The following DNAJA2 variants were observed in gnomAD, a reference collection of about 807,000 sequenced individuals.
DNAJA2 encodes the protein dnaJ homolog subfamily A member 2.
DNAJA2 carries 6 observed loss-of-function variants against 49.3 expected under a neutral mutation model. The ratio of observed to expected loss-of-function variants is 0.12; its 90% CI spans 0.07 to 0.24. DNAJA2 has a LOEUF of 0.24. DNAJA2 is among the 10% of genes least tolerant of loss of function. The probability of loss-of-function intolerance (pLI) is 1.00; values close to 1 mark genes in which losing one functional copy is unlikely to be tolerated. For synonymous variants in DNAJA2, 160 were observed against 172.7 expected (o/e 0.93, Z 0.58); for missense variants, 347 against 516.8 (o/e 0.67, Z 3.19).
At chr16:46,970,552 T>C (rs993495134) in intron 3 of DNAJA2, among the ~76,000 whole-genome samples, 15 of 148,316 alleles carry the variant, frequency 1.0e-4, no homozygotes, top group African/African-American at 3.8e-4. Flanking sequence ...TTGGCCAACA[T>C]GGCGAAACCC....
intron 6 of DNAJA2, among the ~76,000 whole-genome samples, chr16:46,961,501 C>A (rs761638217): frequency 6.6e-6 from 1 of 150,606 alleles, no homozygotes; most frequent in Non-Finnish European, 1.5e-5. Flanking sequence ...CCAGCCTGGG[C>A]AACATGATGA....
intron 6 of DNAJA2, chr16:46,959,696 TC>T (rs1274899205): frequency 6.7e-5 from 20 of 297,980 alleles, no homozygotes; most frequent in Admixed American, 5.5e-4. Flanking sequence ...CCAGGTATAT[TC>T]TGCAACTATT....
chr16:46,969,450 G>T (rs1962016341), intron 3 of DNAJA2, among the ~76,000 whole-genome samples: 1 of 152,100 alleles, frequency 6.6e-6, no homozygotes, highest in South Asian at 2.1e-4. Context: ...ATTACAATTG[G>T]TATGCACAAC....
At position 46,958,908 on chromosome 16, in the gene DNAJA2, C is replaced by A. The variant is rs189134017; in HGVS notation, c.1047+95G>T. 19 of 1,405,444 alleles carry A rather than the reference C, an allele frequency of 1.4e-5. No homozygotes were observed. The Admixed American group carries it at 3.4e-4, about 25-fold the overall frequency. The allele number at this position is 1,405,444 out of a possible 1,614,324, so 87.1% of individuals were successfully genotyped here. A position where few individuals can be genotyped will look rare whatever the true frequency, so the allele number is the denominator to read the frequency against. Reference sequence around the variant, plus strand: ...GCAGTGAGCCACGATCACACCACTACACCCCAGCCTGGGTGACAGAGACCC... The same window carrying A: ...GCAGTGAGCCACGATCACACCACTAAACCCCAGCCTGGGTGACAGAGACCC... On this transcript the variant is annotated intron_variant, in intron 8 of 8. Transcript: ENST00000317089.
chr16:46,959,339 T>C lies in DNAJA2; in HGVS notation c.855A>G (p.Thr285=). ...TCTGACGTCCATCAAGGTGCTTAAA[T>C]GTGAACTGAAATCCACATAGAGCTT... ...LVEALCGFQF[T]FKHLDGRQIV... Residue 285 remains threonine (T), a synonymous_variant, in exon 7 of 9, where the codon ACA becomes ACG. Transcript: ENST00000317089. 1.2e-6 allele frequency: 2 copies of C among 1,614,140 alleles called. No individual in the cohort carries two copies. Among genetic ancestry groups the C allele is most frequent in the Non-Finnish European group, 1.7e-6 (2 of 1,180,000 alleles).
At position 46,971,463 on chromosome 16, in the gene DNAJA2, C is replaced by T; in HGVS notation, c.248G>A (p.Gly83Asp). ...GLREGSGGGG[G>D]MDDIFSHIFG... The stretch of plus-strand genomic sequence containing the variant: ...AATGTGAGAGAAAATATCATCCATG[C>T]CACCACCTCCGCCGCTGCCTTCCCG... The change falls in exon 3 of 9, where the codon GGC becomes GAC. Residue 83 changes from glycine to aspartate, a missense_variant. By Grantham distance (94) the Gly-to-Asp change is moderately conservative (BLOSUM62 -1). Coordinates refer to ENST00000317089, the MANE Select transcript of DNAJA2 (RefSeq NM_005880.4). 1 of 1,614,060 alleles carries T rather than the reference C, an allele frequency of 6.2e-7. No individual in the cohort carries two copies. Among genetic ancestry groups the T allele is most frequent in the Non-Finnish European group, 8.5e-7 (1 of 1,180,008 alleles).
At chr16:46,958,433 G>C (rs530038669) in intron 8 of DNAJA2, 3 of 152,042 alleles carry the variant, frequency 2.0e-5, no homozygotes, top group Admixed American at 6.6e-5. Context: ...GCGTGGTGGC[G>C]GGTGCCTGCA....
At chr16:46,972,136 C>T in intron 1 of DNAJA2, 181 bp from the exon 2 acceptor site, 1 of 575,464 alleles carries the variant, frequency 1.7e-6, no homozygotes. Flanking sequence ...TGTAATATAA[C>T]CAAGTAGACA....
chr16:46,972,885 A>G (rs2143666343), intron 1 of DNAJA2: 1 of 152,370 alleles, frequency 6.6e-6, no homozygotes, highest in African/African-American at 2.4e-5. Flanking sequence ...TGCCCAAAGA[A>G]CAATGCATCC....
chr16:46,971,799 T>C (rs1962054259), intron 2 of DNAJA2, 97 bp downstream of exon 2: 2 of 1,104,270 alleles, frequency 1.8e-6, no homozygotes, highest in Non-Finnish European at 2.8e-6. Flanking sequence ...TGTGTGGGCA[T>C]AGTTGGATTT....
chr16:46,969,107 G>A (rs988554413), intron 3 of DNAJA2, among the ~76,000 whole-genome samples: 1 of 152,120 alleles, frequency 6.6e-6, no homozygotes, highest in Admixed American at 6.6e-5. Context: ...ATATTTTGGA[G>A]CATTTCAGAT....
intron 8 of DNAJA2, among the ~76,000 whole-genome samples, chr16:46,958,243 G>C (rs117857933): frequency 0.025 from 3,758 of 149,458 alleles, 88 homozygotes; most frequent in Admixed American, 0.085. Flanking sequence ...GCAACAGAGC[G>C]AGACTCTCTT....
In DNAJA2 at chr16:46,964,746, T is replaced by A. The variant is rs766635225; in HGVS notation, c.639A>T (p.Glu213Asp). 6.2e-7 allele frequency: 1 copy of A among 1,614,200 alleles called. No individual in the cohort carries two copies. Among genetic ancestry groups the A allele is most frequent in the Non-Finnish European group, 8.5e-7 (1 of 1,180,028 alleles). The change falls in exon 6 of 9, where the codon GAA becomes GAT. Residue 213 changes from glutamate to aspartate, a missense_variant. Transcript: ENST00000317089. ...CTACGTGGACTTCAAGAATCTTGAC[T>A]TCTTTAATCACCTTCTTCCCTTCAC... is the stretch of plus-strand genomic sequence containing the variant. Reference protein sequence around the residue: ...KKCEGKKVIKEVKILEVHVDK... With the variant: ...KKCEGKKVIKDVKILEVHVDK...
At chr16:46,967,952 G>C in intron 4 of DNAJA2, 132 bp downstream of exon 4, 1 of 902,282 alleles carries the variant, frequency 1.1e-6, no homozygotes, top group Non-Finnish European at 1.7e-6. Context: ...CAAAGTGCTG[G>C]GATTTCAGGT....
At chr16:46,957,358 A>C (rs1961829916) in intron 8 of DNAJA2, 138 bp from the exon 9 acceptor site, 2 of 808,502 alleles carry the variant, frequency 2.5e-6, no homozygotes, top group Admixed American at 5.3e-5. Context: ...CCCACCCAGC[A>C]CTTTGGAAGG....
At position 46,958,843 on chromosome 16, in the gene DNAJA2, C is replaced by T. The variant is rs1961854913; in HGVS notation, c.1047+160G>A. The T allele has an allele frequency of 8.1e-6, 6 of 737,316 alleles. No homozygotes were observed. The South Asian group carries it at 1.4e-4, about 17-fold the overall frequency. The allele number at this position is 737,316 out of a possible 1,614,324, so 45.7% of individuals were successfully genotyped here. A position where few individuals can be genotyped will look rare whatever the true frequency, so the allele number is the denominator to read the frequency against. ...ACCTGTAGTCCCAGCTCCTTGGGGG[C>T]TGAGGTGAGAGGATCGCTTCAGCCC... On this transcript the variant is annotated intron_variant, in intron 8 of 8. Coordinates refer to ENST00000317089, the MANE Select transcript of DNAJA2 (RefSeq NM_005880.4).
intron 3 of DNAJA2, among the ~76,000 whole-genome samples, chr16:46,970,730 C>CAAAAAAAA (rs10523905): frequency 0.056 from 1,785 of 32,148 alleles, 582 homozygotes; most frequent in South Asian, 0.075. Flanking sequence ...GACTCCATTT[C>CAAAAAAAA]AAAAAAAAAA....
chr16:46,970,178 G>GA (rs1157260444), intron 3 of DNAJA2, among the ~76,000 whole-genome samples: 1 of 152,148 alleles, frequency 6.6e-6, no homozygotes, highest in Admixed American at 6.6e-5. Context: ...AAAAGAATGG[G>GA]AAAAAAGACC....
At chr16:46,964,191 T>C (rs1961936950) in intron 6 of DNAJA2, among the ~76,000 whole-genome samples, 1 of 152,010 alleles carries the variant, frequency 6.6e-6, no homozygotes, top group African/African-American at 2.4e-5. Flanking sequence ...CTGACCAACA[T>C]GGAGAAAGCC....
Sources: allele counts gnomAD v4.1 joint callset (sites outside exome capture counted in the v4.1 genomes callset), GRCh38; gene constraint gnomAD v4.1.1; transcripts MANE v1.5; gene names NCBI Gene and HGNC (gene_info 2026-07-23, HGNC 2026-07-21).